Variants in ZDHHC15 observed in about 807,000 individuals in gnomAD.
The protein encoded by ZDHHC15 is zDHHC palmitoyltransferase 15.
In ZDHHC15, 19 loss-of-function variants were observed where a neutral mutation model predicts 31.7. The ratio of observed to expected loss-of-function variants is 0.60; its 90% CI spans 0.42 to 0.88. The LOEUF (loss-of-function observed/expected upper bound fraction) is 0.88, where lower values mean the gene tolerates loss of function less well. Among genes scored for constraint, ZDHHC15 ranks in the 40% least tolerant of loss-of-function variants. The pLI, the probability that ZDHHC15 is intolerant of heterozygous loss-of-function variation, is 0.00. For synonymous variants in ZDHHC15, 103 were observed against 90.0 expected (o/e 1.14, Z -0.82); for missense variants, 209 against 251.2 (o/e 0.83, Z 1.14).
intron 10 of ZDHHC15, among the ~76,000 whole-genome samples, chrX:75,412,877 C>G (rs2083501649): frequency 8.9e-6 from 1 of 111,752 alleles, no homozygotes; most frequent in African/African-American, 3.3e-5. Flanking sequence ...ACAAAGAGAG[C>G]CAGAGAATAC....
rs775652299 is a variant in ZDHHC15 at position 75,458,991 on chromosome X, C to CAAA, written c.259-8072_259-8070dup. On this transcript the variant is annotated intron_variant, in intron 3 of 11. Coordinates refer to ENST00000373367, the MANE Select transcript of ZDHHC15 (RefSeq NM_144969.3). Reference sequence around the variant, plus strand: ...AGCCCTCCCAGGAGTGGCACAGAGACAAAAAAAAAAAAAAAAAAAACAACC... The same window carrying CAAA: ...AGCCCTCCCAGGAGTGGCACAGAGACAAAAAAAAAAAAAAAAAAAAAAACAACC... 4.5e-4 allele frequency among the ~76,000 whole-genome samples: 7 copies of CAAA among 15,657 alleles called. 1 individual carries two copies. The highest frequency in any genetic ancestry group is 2.7e-3 in the South Asian group (1 of 374). 13.6% of individuals were successfully genotyped at this position (15,657 alleles called of 115,157 possible).
chrX:75,506,923 G>A (rs1345507447), intron 1 of ZDHHC15, among the ~76,000 whole-genome samples: 9 of 111,764 alleles, frequency 8.1e-5, no homozygotes, highest in Non-Finnish European at 1.3e-4. Flanking sequence ...AAGAAGTGGA[G>A]GTGCAACTCC....
At chrX:75,514,672 C>T (rs932829662) in intron 1 of ZDHHC15, among the ~76,000 whole-genome samples, 6 of 111,213 alleles carry the variant, frequency 5.4e-5, no homozygotes, top group African/African-American at 1.6e-4. Context: ...CCTGGAAAAT[C>T]GGGACACTCC....
chrX:75,468,818 G>T (rs1171274309), intron 3 of ZDHHC15, among the ~76,000 whole-genome samples: 3 of 112,004 alleles, frequency 2.7e-5, no homozygotes, highest in Non-Finnish European at 3.8e-5. Flanking sequence ...AACTAATGAT[G>T]TCAAGCATCT....
Position 75,379,142 on chromosome X carries a change from G to A in ZDHHC15, c.*10C>T. 1 of 1,210,722 alleles carries A rather than the reference G, an allele frequency of 8.3e-7. No individual in the cohort carries two copies. The highest frequency in any genetic ancestry group is 1.1e-6 in the Non-Finnish European group (1 of 894,647). On this transcript the variant is annotated 3_prime_UTR_variant, in exon 11 of 12. Coordinates refer to ENST00000373367, the MANE Select transcript of ZDHHC15 (RefSeq NM_144969.3). Reference sequence around the variant, plus strand: ...GACCTGTCTGAGAGATGCAGGAAATGTGAAAACTGCTATGTTTCCGTTTCC... The same window carrying A: ...GACCTGTCTGAGAGATGCAGGAAATATGAAAACTGCTATGTTTCCGTTTCC...
At chrX:75,486,121 G>A (rs1403374829) in intron 2 of ZDHHC15, among the ~76,000 whole-genome samples, 1 of 112,527 alleles carries the variant, frequency 8.9e-6, no homozygotes, top group Non-Finnish European at 1.9e-5. Flanking sequence ...AGTTCCCAAA[G>A]TATGACACAG....
At chrX:75,476,250 TA>T (rs1263021103) in intron 3 of ZDHHC15, among the ~76,000 whole-genome samples, 3 of 109,951 alleles carry the variant, frequency 2.7e-5, no homozygotes, top group African/African-American at 1.0e-4. Flanking sequence ...AAATGTTTCT[TA>T]TTTTTTTTTT....
At chrX:75,489,314 T>C (rs1161379302) in intron 2 of ZDHHC15, among the ~76,000 whole-genome samples, 2 of 112,055 alleles carry the variant, frequency 1.8e-5, no homozygotes, top group African/African-American at 6.5e-5. Flanking sequence ...CCCTGACCCC[T>C]GAGCAGCCTA....
chrX:75,420,134 A>C (rs981825083), intron 9 of ZDHHC15, among the ~76,000 whole-genome samples: 1 of 111,359 alleles, frequency 9.0e-6, no homozygotes, highest in African/African-American at 3.3e-5. Flanking sequence ...CCCATCAAAA[A>C]GTGGGCAAAG....
At chrX:75,521,436 C>A (rs965910782) in intron 1 of ZDHHC15, among the ~76,000 whole-genome samples, 2 of 110,272 alleles carry the variant, frequency 1.8e-5, no homozygotes, top group African/African-American at 6.6e-5. Context: ...GAGAGCATTG[C>A]AAGGCCAATA....
intron 3 of ZDHHC15, among the ~76,000 whole-genome samples, chrX:75,470,546 G>A (rs1421015679): frequency 9.0e-6 from 1 of 111,593 alleles, no homozygotes; most frequent in African/African-American, 3.3e-5. Context: ...TGGGGAAAGG[G>A]AAATGATCAG....
At position 75,372,948 on chromosome X, in the gene ZDHHC15, G is replaced by A. The variant is rs1162774741; in HGVS notation, c.*33-3C>T. Reference sequence around the variant, plus strand: ...ATGGGAGGCAGAGATGGTGAGTCCTGGGAATGAAGAGAAGAAATTCACAGA... The same window carrying A: ...ATGGGAGGCAGAGATGGTGAGTCCTAGGAATGAAGAGAAGAAATTCACAGA... On this transcript the variant is annotated splice_polypyrimidine_tract_variant and splice_region_variant and intron_variant, in intron 11 of 11. Transcript: ENST00000373367. 9.0e-6 allele frequency: 1 copy of A among 111,643 alleles called. No individual in the cohort carries two copies. The highest frequency in any genetic ancestry group is 3.3e-5 in the African/African-American group (1 of 30,704). The allele number at this position is 111,643 out of a possible 1,213,427, so 9.2% of individuals were successfully genotyped here. A position where few individuals can be genotyped will look rare whatever the true frequency, so the allele number is the denominator to read the frequency against.
At chrX:75,406,684 G>A (rs2083414818) in intron 10 of ZDHHC15, among the ~76,000 whole-genome samples, 1 of 100,196 alleles carries the variant, frequency 1.0e-5, no homozygotes, top group Non-Finnish European at 2.0e-5. Flanking sequence ...TAATGAGATT[G>A]ATGGTGTAAA....
At chrX:75,508,482 C>CT (rs1454047898) in intron 1 of ZDHHC15, among the ~76,000 whole-genome samples, 1 of 108,777 alleles carries the variant, frequency 9.2e-6, no homozygotes, top group South Asian at 4.2e-4. Flanking sequence ...TGAACTCATC[C>CT]TTTTTTATGG....
chrX:75,384,040 C>T (rs1331567632), intron 10 of ZDHHC15, among the ~76,000 whole-genome samples: 1 of 110,831 alleles, frequency 9.0e-6, no homozygotes, highest in East Asian at 2.8e-4. Context: ...CCGCACCCGG[C>T]CAGAAATGTT....
intron 1 of ZDHHC15, among the ~76,000 whole-genome samples, chrX:75,513,693 T>C (rs775123277): frequency 7.2e-5 from 8 of 111,081 alleles, no homozygotes; most frequent in Non-Finnish European, 1.3e-4. Flanking sequence ...AGAAAGAGTA[T>C]TTGAAAAAAT....
intron 8 of ZDHHC15, among the ~76,000 whole-genome samples, chrX:75,424,043 T>A (rs774015459): frequency 9.0e-6 from 1 of 111,577 alleles, no homozygotes; most frequent in Non-Finnish European, 1.9e-5. Flanking sequence ...TAATAGCCTA[T>A]AGACTAACTG....
At chrX:75,385,005 T>G (rs2083165047) in intron 10 of ZDHHC15, among the ~76,000 whole-genome samples, 1 of 112,226 alleles carries the variant, frequency 8.9e-6, no homozygotes, top group Non-Finnish European at 1.9e-5. Flanking sequence ...GTAGAAGGCA[T>G]GAATTTAACT....
intron 1 of ZDHHC15, among the ~76,000 whole-genome samples, chrX:75,515,323 C>G (rs1371871953): frequency 3.6e-5 from 4 of 110,930 alleles, no homozygotes; most frequent in Admixed American, 1.9e-4. Context: ...AACATTGATG[C>G]AAAATCCTCA....
Sources: gnomAD v4.1 joint callset for allele counts (sites outside exome capture counted in the v4.1 genomes callset) on GRCh38, gnomAD v4.1.1 for gene constraint, MANE v1.5 for transcripts, NCBI Gene and HGNC (gene_info 2026-07-23, HGNC 2026-07-21) for gene names.